Variants in TMEM80 observed in about 807,000 individuals in gnomAD.
TMEM80 encodes transmembrane protein 80.
Under a neutral mutation model 13.6 loss-of-function variants are expected in TMEM80, and 16 were observed. The observed-to-expected ratio is 1.17, with a 90% CI of 0.79 to 1.78. The LOEUF (loss-of-function observed/expected upper bound fraction) is 1.78, where lower values mean the gene tolerates loss of function less well. Among genes scored for constraint, TMEM80 ranks in the 40% most tolerant of loss-of-function variants. The probability of loss-of-function intolerance (pLI) is 0.00; values close to 1 mark genes in which losing one functional copy is unlikely to be tolerated. For missense variants in TMEM80, 167 were observed against 184.6 expected, an observed-to-expected ratio of 0.90 and a Z score of 0.55; for synonymous variants, 92 against 89.5, an observed-to-expected ratio of 1.03 and a Z score of -0.16.
At chr11:702,306 G>C (rs769738861) in intron 4 of TMEM80, among the ~76,000 whole-genome samples, 2 of 152,228 alleles carry the variant, frequency 1.3e-5, no homozygotes, top group Non-Finnish European at 2.9e-5. Context: ...GGGAGGGTGC[G>C]AGCACCGCTG....
intron 4 of TMEM80, among the ~76,000 whole-genome samples, chr11:702,286 G>A (rs148318240): frequency 2.6e-5 from 4 of 152,362 alleles, no homozygotes; most frequent in African/African-American, 9.6e-5. Flanking sequence ...CCCCCAGGGC[G>A]GGCACTGCTG....
chr11:695,845 A>G lies in TMEM80; in HGVS notation c.18A>G (p.Arg6=). 8.1e-7 allele frequency: 1 copy of G among 1,229,200 alleles called. No individual in the cohort carries two copies. Among genetic ancestry groups the G allele is most frequent in the Non-Finnish European group, 1.0e-6 (1 of 985,750 alleles). The allele number at this position is 1,229,200 out of a possible 1,614,324, so 76.1% of individuals were successfully genotyped here. A position where few individuals can be genotyped will look rare whatever the true frequency, so the allele number is the denominator to read the frequency against. Residue 6 remains arginine (R), a splice_region_variant and synonymous_variant, in exon 1 of 5, where the codon CGA becomes CGG. Coordinates refer to ENST00000397510, the MANE Select transcript of TMEM80 (RefSeq NM_001042463.3). MAAPR[R]GRGSSTVLSS... is the part of the protein sequence containing the mutation. ...CGGGTAAGATGGCGGCCCCGCGGCG[A>G]GGTGAGCTCGGGCGGGGTGGGGGCT...
In TMEM80 at chr11:695,816, G is replaced by T; in HGVS notation, c.-12G>T. The T allele has an allele frequency of 3.2e-6, 4 of 1,232,290 alleles. No homozygotes were observed. The highest frequency in any genetic ancestry group is 4.1e-6 in the Non-Finnish European group (4 of 987,304). The allele number at this position is 1,232,290 out of a possible 1,614,324, so 76.3% of individuals were successfully genotyped here. ...CCGGGATCGCGACGGACCGGCGGGCGGGGCGGGTAAGATGGCGGCCCCGCG... is the reference window on the plus strand; with the variant it reads ...CCGGGATCGCGACGGACCGGCGGGCTGGGCGGGTAAGATGGCGGCCCCGCG... On this transcript the variant is annotated 5_prime_UTR_variant, in exon 1 of 5. Transcript: ENST00000397510.
At chr11:704,914 G>A (rs1000472372), downstream of TMEM80, 5 of 352,436 alleles carry the variant, frequency 1.4e-5, no homozygotes, top group Non-Finnish European at 2.2e-5. Context: ...GTGAGGGCAC[G>A]GGTGCACCGA....
Position 703,372 on chromosome 11 carries a change from G to A in TMEM80, c.*222G>A. ...GTTGGGAACAGCTGCGGGGAGGGTAGGGACCAGACAGAACTGCCTTCAAGA... is the reference window on the plus strand; with the variant it reads ...GTTGGGAACAGCTGCGGGGAGGGTAAGGACCAGACAGAACTGCCTTCAAGA... On this transcript the variant is annotated 3_prime_UTR_variant, in exon 5 of 5. Transcript: ENST00000397510. 2 of 1,386,420 alleles carry A rather than the reference G, an allele frequency of 1.4e-6. No individual in the cohort carries two copies. The highest frequency in any genetic ancestry group is 1.9e-6 in the Non-Finnish European group (2 of 1,074,972). The allele number at this position is 1,386,420 out of a possible 1,614,324, so 85.9% of individuals were successfully genotyped here.
At chr11:696,260 G>A (rs1055013936) in intron 1 of TMEM80, among the ~76,000 whole-genome samples, 9 of 152,120 alleles carry the variant, frequency 5.9e-5, no homozygotes, top group African/African-American at 2.2e-4. Flanking sequence ...TCCGAGAGGA[G>A]GAAGGGACAG....
intron 1 of TMEM80, chr11:697,667 G>A (rs1476609891): frequency 6.6e-6 from 1 of 152,222 alleles, no homozygotes; most frequent in Non-Finnish European, 1.5e-5. Flanking sequence ...CCCAATTAAT[G>A]CGAAATCATC....
chr11:701,002 C>A, intron 4 of TMEM80: 1 of 474,566 alleles, frequency 2.1e-6, no homozygotes, highest in Non-Finnish European at 3.8e-6. Context: ...AGCCCACCAC[C>A]ACATCTGGAG....
chr11:698,730 A>C, intron 1 of TMEM80, 139 bp from the exon 2 acceptor site: 28 of 981,682 alleles, frequency 2.9e-5, no homozygotes, highest in East Asian at 1.2e-4. Flanking sequence ...TGGCAGGCCC[A>C]CGGTATATGT....
chr11:701,242 C>G (rs1190276660), intron 4 of TMEM80: 2 of 161,676 alleles, frequency 1.2e-5, no homozygotes, highest in East Asian at 3.5e-4. Flanking sequence ...TGCAGTGGTG[C>G]AGTCACAGCT....
downstream of TMEM80, chr11:704,558 C>A: frequency 7.8e-7 from 1 of 1,289,370 alleles, no homozygotes. Context: ...CTGGGCACAC[C>A]TGCCATCTGG....
chr11:704,655 G>A, downstream of TMEM80: 1 of 1,288,582 alleles, frequency 7.8e-7, no homozygotes, highest in East Asian at 5.6e-5. Flanking sequence ...AATGGATCCT[G>A]ATACCTCCAG....
downstream of TMEM80, chr11:704,672 C>T (rs151212521): frequency 9.4e-4 from 1,209 of 1,283,758 alleles, 7 homozygotes; most frequent in South Asian, 1.5e-3. Context: ...CCAGTCTCAG[C>T]GAGCACACAA....
At chr11:701,512 G>A (rs541088120) in intron 4 of TMEM80, among the ~76,000 whole-genome samples, 1 of 146,320 alleles carries the variant, frequency 6.8e-6, no homozygotes, top group African/African-American at 2.5e-5. Context: ...CCGGGTTCAC[G>A]CCAGTCTCCT....
chr11:700,987 A>G (rs976602056), intron 4 of TMEM80: 86 of 415,596 alleles, frequency 2.1e-4, no homozygotes, highest in South Asian at 2.0e-3. Context: ...AGATCAGAAA[A>G]GCCCAGCCCA....
chr11:704,751 A>G, downstream of TMEM80: 2 of 930,468 alleles, frequency 2.1e-6, no homozygotes, highest in Non-Finnish European at 3.0e-6. Flanking sequence ...GGGGCCCGAG[A>G]GGCCAGCCTG....
rs1241734011 is a variant in TMEM80 at position 703,091 on chromosome 11, G to T, written c.373G>T (p.Ala125Ser). The T allele has an allele frequency of 6.2e-7, 1 of 1,611,892 alleles. No homozygotes were observed. Among genetic ancestry groups the T allele is most frequent in the Non-Finnish European group, 8.5e-7 (1 of 1,179,216 alleles). The change falls in exon 5 of 5, where the codon GCC (alanine) becomes TCC (serine). Residue 125 changes from alanine to serine, a missense_variant. Coordinates refer to ENST00000397510, the MANE Select transcript of TMEM80 (RefSeq NM_001042463.3). ...CTGGGCCCTCAGCGCCACGCTCCTG[G>T]CCCTTCACGGCCTGGAGGCCGTCCT... Reference protein sequence around the residue: ...ADWALSATLLALHGLEAVLQV... With the variant: ...ADWALSATLLSLHGLEAVLQV...
chr11:697,601 CA>C (rs1861260262), intron 1 of TMEM80: 1 of 152,184 alleles, frequency 6.6e-6, no homozygotes, highest in South Asian at 2.1e-4. Flanking sequence ...CTAGCAGACA[CA>C]TTGGAAGTGT....
intron 2 of TMEM80, 138 bp downstream of exon 2, chr11:699,026 A>C (rs1861326308): frequency 1.0e-6 from 1 of 991,464 alleles, no homozygotes; most frequent in African/African-American, 1.6e-5. Flanking sequence ...GTTCCTTGAC[A>C]GATTTAGAGA....
Sources: gnomAD v4.1 joint callset for allele counts (sites outside exome capture counted in the v4.1 genomes callset) on GRCh38, gnomAD v4.1.1 for gene constraint, MANE v1.5 for transcripts, NCBI Gene and HGNC (gene_info 2026-07-23, HGNC 2026-07-21) for gene names.